Variants in FER1L6 observed in about 807,000 individuals in gnomAD.
FER1L6 encodes fer-1-like protein 6.
FER1L6 carries 177 observed loss-of-function variants against 219.2 expected under a neutral mutation model. The observed-to-expected ratio is 0.81, with a 90% CI of 0.71 to 0.91. The LOEUF (loss-of-function observed/expected upper bound fraction) is 0.91. FER1L6 is among the 40% of genes least tolerant of loss of function. The pLI is 0.00. For synonymous variants in FER1L6, 768 were observed against 824.3 expected, an observed-to-expected ratio of 0.93 and a Z score of 1.17; for missense variants, 2,153 against 2,259.9, an observed-to-expected ratio of 0.95 and a Z score of 0.96.
chr8:123,954,342 C>A (rs1198323059), intron 1 of FER1L6, among the ~76,000 whole-genome samples: 1 of 152,128 alleles, frequency 6.6e-6, no homozygotes, highest in East Asian at 1.9e-4. Flanking sequence ...TGCTTGCATG[C>A]CTCCAGGAAC....
chr8:124,109,691 C>T (rs1447052907), intron 39 of FER1L6, among the ~76,000 whole-genome samples: 1 of 152,148 alleles, frequency 6.6e-6, no homozygotes, highest in Non-Finnish European at 1.5e-5. Flanking sequence ...TCATGTTGCT[C>T]CTTCAGCAGT....
chr8:123,966,622 A>T (rs1230034427), intron 5 of FER1L6, among the ~76,000 whole-genome samples: 1 of 152,210 alleles, frequency 6.6e-6, no homozygotes, highest in African/African-American at 2.4e-5. Flanking sequence ...GTTAGGGAGA[A>T]GATACATATT....
At chr8:124,076,069 G>A in intron 31 of FER1L6, 129 bp from the exon 32 acceptor site, 3 of 1,180,608 alleles carry the variant, frequency 2.5e-6, no homozygotes, top group Non-Finnish European at 3.5e-6. Flanking sequence ...CCAAAGCCCT[G>A]GCCCGTTAAA....
intron 34 of FER1L6, 141 bp from the exon 35 acceptor site, chr8:124,094,755 G>A: frequency 1.1e-6 from 1 of 920,048 alleles, no homozygotes; most frequent in Non-Finnish European, 1.7e-6. Context: ...CCAAAGTGCT[G>A]GGATTACAGG....
rs537993531 is a variant in FER1L6 at position 123,880,552 on chromosome 8, C to T, written c.-8+28367C>T. The stretch of plus-strand genomic sequence containing the variant: ...ACCCAATACCCACTGGGCTTTGTGA[C>T]AGGAAAAGGTAAGTCAGGGAAGCTG... On this transcript the variant is annotated intron_variant, in intron 1 of 40. Transcript: ENST00000522917. 1.2e-3 allele frequency among the ~76,000 whole-genome samples: 187 copies of T among 152,238 alleles called. 1 individual carries two copies. Among genetic ancestry groups the T allele is most frequent in the African/African-American group, 4.1e-3 (169 of 41,542 alleles).
At chr8:124,046,944 G>C (rs1819766646) in intron 21 of FER1L6, among the ~76,000 whole-genome samples, 1 of 152,096 alleles carries the variant, frequency 6.6e-6, no homozygotes, top group South Asian at 2.1e-4. Context: ...CCCTCCCTCT[G>C]GGCCCCATTC....
intron 37 of FER1L6, among the ~76,000 whole-genome samples, chr8:124,100,469 T>TA (rs1366111381): frequency 1.3e-5 from 2 of 152,194 alleles, no homozygotes; most frequent in Non-Finnish European, 2.9e-5. Flanking sequence ...GGAGGTTAGA[T>TA]AACTTACCTA....
chr8:123,924,645 C>T (rs1360320496), intron 1 of FER1L6: 1 of 152,182 alleles, frequency 6.6e-6, no homozygotes, highest in Non-Finnish European at 1.5e-5. Context: ...GAGGATGAAG[C>T]CCTGGCACTC....
chr8:123,936,427 C>G (rs1281925325), intron 1 of FER1L6, among the ~76,000 whole-genome samples: 1 of 142,908 alleles, frequency 7.0e-6, no homozygotes, highest in Non-Finnish European at 1.5e-5. Flanking sequence ...TTAGAAAGTA[C>G]ATTGACATTT....
chr8:123,932,932 A>T (rs1330525009), intron 1 of FER1L6, among the ~76,000 whole-genome samples: 1 of 152,228 alleles, frequency 6.6e-6, no homozygotes, highest in Non-Finnish European at 1.5e-5. Context: ...TAAAAGGGTC[A>T]ACTATCAAAG....
intron 22 of FER1L6, among the ~76,000 whole-genome samples, chr8:124,057,611 CCT>C (rs1301870015): frequency 2.0e-5 from 3 of 152,068 alleles, no homozygotes; most frequent in African/African-American, 7.2e-5. Flanking sequence ...CCTTGCCTCA[CCT>C]CTTTTTGCCT....
chr8:123,994,347 T>A (rs1232955831), intron 12 of FER1L6, among the ~76,000 whole-genome samples: 3 of 152,086 alleles, frequency 2.0e-5, no homozygotes, highest in Admixed American at 6.5e-5. Context: ...AAGCAGCAGC[T>A]CAAATGGGGA....
At chr8:123,968,663 G>T (rs563772405) in intron 5 of FER1L6, among the ~76,000 whole-genome samples, 33 of 152,308 alleles carry the variant, frequency 2.2e-4, no homozygotes, top group African/African-American at 7.7e-4. Context: ...ATATATATGA[G>T]AAATTTCCTG....
At chr8:123,988,408 T>G (rs1816696178) in intron 12 of FER1L6, among the ~76,000 whole-genome samples, 1 of 152,244 alleles carries the variant, frequency 6.6e-6, no homozygotes, top group African/African-American at 2.4e-5. Flanking sequence ...TGTAGATTGC[T>G]TTGGGTAGTG....
At chr8:124,032,041 C>A (rs75195876) in intron 18 of FER1L6, among the ~76,000 whole-genome samples, 37 of 152,192 alleles carry the variant, frequency 2.4e-4, no homozygotes, top group African/African-American at 8.4e-4. Context: ...CTGAGTCTTT[C>A]GTTTTAACCA....
intron 34 of FER1L6, among the ~76,000 whole-genome samples, chr8:124,092,838 G>T (rs566115648): frequency 7.4e-6 from 1 of 134,538 alleles, no homozygotes; most frequent in Non-Finnish European, 1.6e-5. Flanking sequence ...GAGAGAAAGC[G>T]GGGAAGTGCT....
At chr8:123,956,740 T>C (rs546548095) in intron 2 of FER1L6, among the ~76,000 whole-genome samples, 2 of 152,354 alleles carry the variant, frequency 1.3e-5, no homozygotes, top group South Asian at 4.1e-4. Context: ...GGGTCCTTTA[T>C]GGCTGCACAG....
intron 18 of FER1L6, among the ~76,000 whole-genome samples, chr8:124,034,820 G>C (rs1168140530): frequency 2.6e-5 from 4 of 152,182 alleles, no homozygotes; most frequent in African/African-American, 9.7e-5. Flanking sequence ...GAAGATTTCA[G>C]CTCAGAGTGA....
Position 123,878,684 on chromosome 8 carries a change from C to T in FER1L6, c.-8+26499C>T, listed in dbSNP as rs1013100263. On this transcript the variant is annotated intron_variant, in intron 1 of 40. Coordinates refer to ENST00000522917, the MANE Select transcript of FER1L6 (RefSeq NM_001039112.2). Reference sequence around the variant, plus strand: ...GAGGCATGTGGAATCGTGCTTGGCACGTAACAAGAACTGTGTGTACATTAA... The same window carrying T: ...GAGGCATGTGGAATCGTGCTTGGCATGTAACAAGAACTGTGTGTACATTAA... Among the ~76,000 whole-genome samples the T allele has an allele frequency of 9.8e-5, 15 of 152,294 alleles. 1 individual carries two copies. The East Asian group carries it at 2.7e-3, about 27-fold the overall frequency.
Sources: gnomAD v4.1 joint callset for allele counts (sites outside exome capture counted in the v4.1 genomes callset) on GRCh38, gnomAD v4.1.1 for gene constraint, MANE v1.5 for transcripts, NCBI Gene and HGNC (gene_info 2026-07-23, HGNC 2026-07-21) for gene names.